Variants in COG6 observed in about 807,000 individuals in gnomAD.
COG6 encodes conserved oligomeric Golgi complex subunit 6.
Under a neutral mutation model 88.8 loss-of-function variants are expected in COG6, and 74 were observed. The ratio of observed to expected loss-of-function variants is 0.83; its 90% confidence interval spans 0.69 to 1.01. The LOEUF is 1.01. Ranked by LOEUF, COG6 falls within the 50% of genes least tolerant of loss-of-function variation. COG6 has a pLI of 0.00. For synonymous variants in COG6, 286 were observed against 278.7 expected, an observed-to-expected ratio of 1.03 and a Z score of -0.26; for missense variants, 800 against 797.9, an observed-to-expected ratio of 1.00 and a Z score of -0.03.
rs531436972 is a variant in COG6 at position 39,682,967 on chromosome 13, A to T, written c.788+703A>T. Among the ~76,000 whole-genome samples, 8 of 152,262 alleles carry T rather than the reference A, an allele frequency of 5.3e-5. No individual in the cohort carries two copies. In the South Asian group the frequency reaches 1.2e-3, roughly 24 times the overall value. On this transcript the variant is annotated intron_variant, in intron 8 of 18. Transcript: ENST00000455146. ...GAGGGGACTCTTACCAAGGTAGTGC[A>T]TCCTGCTTTGAATCATCCCTTTCAG...
chr13:39,747,272 T>A (rs115352290), intron 18 of COG6, among the ~76,000 whole-genome samples: 1,968 of 152,312 alleles, frequency 0.013, 52 homozygotes, highest in African/African-American at 0.045. Flanking sequence ...TCATATTTGT[T>A]CAGAAATGTG....
rs533578070 is a variant in COG6 at position 39,765,317 on chromosome 13, A to G, written c.1827-23018A>G. Among the ~76,000 whole-genome samples the G allele has an allele frequency of 1.6e-4, 25 of 152,306 alleles. No homozygotes were observed. In the South Asian group the frequency reaches 5.0e-3, roughly 30 times the overall value. On this transcript the variant is annotated intron_variant, in intron 18 of 18. Transcript: ENST00000416691. ...TCCATTTGCTTTGATCCCATGGTAAATTAAGCAAATCCTCACAGCATATTG... is the reference window on the plus strand; with the variant it reads ...TCCATTTGCTTTGATCCCATGGTAAGTTAAGCAAATCCTCACAGCATATTG...
At chr13:39,738,607 T>C (rs1879890476) in intron 18 of COG6, among the ~76,000 whole-genome samples, 1 of 152,112 alleles carries the variant, frequency 6.6e-6, no homozygotes, top group South Asian at 2.1e-4. Context: ...AAAGACAAAA[T>C]TGTTAGACTG....
chr13:39,729,897 G>A (rs1447889003), intron 18 of COG6, among the ~76,000 whole-genome samples: 2 of 152,166 alleles, frequency 1.3e-5, no homozygotes, highest in Non-Finnish European at 2.9e-5. Context: ...TAAAAAAACT[G>A]TTGAACCAGC....
At chr13:39,738,268 G>A (rs888542489) in intron 18 of COG6, among the ~76,000 whole-genome samples, 13 of 151,938 alleles carry the variant, frequency 8.6e-5, no homozygotes, top group African/African-American at 2.4e-4. Context: ...TAAAACATAC[G>A]ACAACAAAAG....
At chr13:39,754,489 C>T (rs1488671423), downstream of COG6, among the ~76,000 whole-genome samples, 1 of 152,108 alleles carries the variant, frequency 6.6e-6, no homozygotes, top group African/African-American at 2.4e-5. Context: ...GTTGAAGTTA[C>T]TGATAATGTT....
chr13:39,665,579 A>G (rs550867015), intron 4 of COG6, among the ~76,000 whole-genome samples: 17 of 152,290 alleles, frequency 1.1e-4, no homozygotes, highest in African/African-American at 3.4e-4. Context: ...TAGGTATACT[A>G]TTGGTTGATT....
At chr13:39,726,857 C>T (rs1294437710) in intron 17 of COG6, among the ~76,000 whole-genome samples, 1 of 151,928 alleles carries the variant, frequency 6.6e-6, no homozygotes, top group African/African-American at 2.4e-5. Context: ...ATGTCCTTTC[C>T]TGAGAGATGC....
rs191503188 is a variant in COG6, at chr13:39,694,174, T to G, written c.1075-460T>G. 1.9e-3 allele frequency among the ~76,000 whole-genome samples: 284 copies of G among 151,972 alleles called. 3 individuals carry two copies. Among genetic ancestry groups the G allele is most frequent in the Non-Finnish European group, 8.4e-4 (57 of 67,806 alleles). The stretch of plus-strand genomic sequence containing the variant: ...TGGTGCTAATTCAAGATTTGCCTAG[T>G]TTTCTATTCTTTGATTAATAGACAA... On this transcript the variant is annotated intron_variant, in intron 11 of 18. Transcript: ENST00000455146.
In COG6 at chr13:39,719,319, C is replaced by T. The variant is rs550615578; in HGVS notation, c.1368C>T (p.His456=). The change falls in exon 14 of 19, where the codon CAC becomes CAT. Residue 456 remains histidine, a synonymous_variant. Transcript: ENST00000455146. ...LMLLREVLAS[H]DSSVVPLDAR... ...TGCTGCGTGAAGTTTTAGCATCTCA[C>T]GATTCTTCAGTTGTACCATTAGATG... 33 of 1,612,572 alleles carry T rather than the reference C, an allele frequency of 2.0e-5. No homozygotes were observed. The highest frequency in any genetic ancestry group is 1.7e-4 in the Middle Eastern group (1 of 6,046).
At chr13:39,725,329 T>C (rs1236798534) in intron 17 of COG6, among the ~76,000 whole-genome samples, 1 of 151,882 alleles carries the variant, frequency 6.6e-6, no homozygotes, top group Non-Finnish European at 1.5e-5. Flanking sequence ...ATCCAGGAAG[T>C]TGGCCTACAG....
chr13:39,693,568 T>C (rs977668791), intron 11 of COG6, among the ~76,000 whole-genome samples: 5 of 151,972 alleles, frequency 3.3e-5, no homozygotes, highest in Admixed American at 6.6e-5. Context: ...AAATAAATCA[T>C]GGAAAAATAT....
At chr13:39,712,153 C>T (rs1381914151) in intron 13 of COG6, among the ~76,000 whole-genome samples, 1 of 151,976 alleles carries the variant, frequency 6.6e-6, no homozygotes, top group East Asian at 1.9e-4. Context: ...TCACCATGCC[C>T]AGCCCTGATG....
At chr13:39,684,243 A>AGTTTTTTTTTTTT (rs1876491559) in intron 8 of COG6, among the ~76,000 whole-genome samples, 3 of 67,382 alleles carry the variant, frequency 4.5e-5, no homozygotes, top group Non-Finnish European at 7.6e-5. Context: ...AATTTGGAAG[A>AGTTTTTTTTTTTT]TTTTTTTTTT....
At chr13:39,678,192 A>G (rs763551264) in intron 5 of COG6, 1 of 352,544 alleles carries the variant, frequency 2.8e-6, no homozygotes, top group South Asian at 2.2e-5. Flanking sequence ...TCAGCCTCCC[A>G]GGTAGCTAGG....
At chr13:39,761,221 C>T (rs926766850) in intron 18 of COG6, among the ~76,000 whole-genome samples, 1 of 151,832 alleles carries the variant, frequency 6.6e-6, no homozygotes, top group Admixed American at 6.6e-5. Context: ...TCTAAGAAAA[C>T]TTTGGTGTTT....
intron 13 of COG6, among the ~76,000 whole-genome samples, chr13:39,715,826 A>T (rs917510177): frequency 6.6e-6 from 1 of 152,092 alleles, no homozygotes. Context: ...TTAATTTTGT[A>T]AAACTGATAT....
chr13:39,770,218 T>C (rs1180035229), intron 18 of COG6, among the ~76,000 whole-genome samples: 1 of 152,200 alleles, frequency 6.6e-6, no homozygotes, highest in African/African-American at 2.4e-5. Context: ...GGTTTTCTTT[T>C]TGGGCTGCAG....
At chr13:39,658,361 G>A (rs535505141) in intron 1 of COG6, among the ~76,000 whole-genome samples, 2 of 151,974 alleles carry the variant, frequency 1.3e-5, no homozygotes, top group African/African-American at 2.4e-5. Context: ...ATGCAGGCTG[G>A]TCTTGAACTG....
Sources: gnomAD v4.1 joint callset for allele counts (sites outside exome capture counted in the v4.1 genomes callset) on GRCh38, gnomAD v4.1.1 for gene constraint, MANE v1.5 for transcripts, NCBI Gene and HGNC (gene_info 2026-07-23, HGNC 2026-07-21) for gene names.